The following BRIP1 variants were observed in gnomAD, a reference collection of about 807,000 sequenced individuals.
BRIP1 encodes the protein Fanconi anemia group J protein.
BRIP1 carries 88 observed loss-of-function variants against 119.7 expected under a neutral mutation model. That is an observed-to-expected ratio of 0.74 (90% CI 0.62 to 0.88). The LOEUF (loss-of-function observed/expected upper bound fraction) is 0.88, where lower values mean the gene tolerates loss of function less well. Ranked by LOEUF, BRIP1 falls within the 40% of genes least tolerant of loss-of-function variation. The pLI, the probability that BRIP1 is intolerant of heterozygous loss-of-function variation, is 0.00. For missense variants in BRIP1, 1,259 were observed against 1,455.4 expected (o/e 0.87, Z 2.20); for synonymous variants, 443 against 496.5 (o/e 0.89, Z 1.43).
Position 61,852,951 on chromosome 17 carries a change from A to G in BRIP1, c.380-3695T>C, listed in dbSNP as rs2078843555. On this transcript the variant is annotated intron_variant, in intron 4 of 19. Coordinates refer to ENST00000259008, the MANE Select transcript of BRIP1 (RefSeq NM_032043.3). The surrounding 1 kb of genome is among the most constrained non-coding windows in gnomAD (Gnocchi z 4.9). Reference sequence around the variant, plus strand: ...ACTTTAGAAAATGTTGTCAGTATCTACTATAGCTGAACATATGTATATACT... The same window carrying G: ...ACTTTAGAAAATGTTGTCAGTATCTGCTATAGCTGAACATATGTATATACT... Among the ~76,000 whole-genome samples, 1 of 152,222 alleles carries G rather than the reference A, an allele frequency of 6.6e-6. No individual in the cohort carries two copies. The highest frequency in any genetic ancestry group is 2.4e-5 in the African/African-American group (1 of 41,472).
rs1427908392 is a variant in BRIP1 at position 61,794,201 on chromosome 17, C to A, written c.1341-472G>T. Among the ~76,000 whole-genome samples, 1 of 151,966 alleles carries A rather than the reference C, an allele frequency of 6.6e-6. No individual in the cohort carries two copies. The highest frequency in any genetic ancestry group is 2.4e-5 in the African/African-American group (1 of 41,354). The stretch of plus-strand genomic sequence containing the variant: ...TAAGTGTTTGAATGCCTATTTTATT[C>A]CAGACATTGTTCTGGGTAGTGAAAA... On this transcript the variant is annotated intron_variant, in intron 9 of 19. Transcript: ENST00000259008. The surrounding 1 kb of genome is among the most constrained non-coding windows in gnomAD (Gnocchi z 4.3).
chr17:61,767,538 T>C lies in BRIP1; in HGVS notation c.2097+8863A>G, dbSNP rs2077390499. 6.6e-6 allele frequency among the ~76,000 whole-genome samples: 1 copy of C among 152,024 alleles called. No homozygotes were observed. Among genetic ancestry groups the C allele is most frequent in the Non-Finnish European group, 1.5e-5 (1 of 67,980 alleles). ...GATCCTCCTATCTCAGCCTCCCAAA[T>C]TGCTGGGATTATAGGCTTCTGCACT... is the stretch of plus-strand genomic sequence containing the variant. On this transcript the variant is annotated intron_variant, in intron 14 of 19. Transcript: ENST00000259008. This position sits in a 1 kb window ranked among gnomAD's most constrained non-coding sequence, Gnocchi z 5.7.
rs1375911072 is a variant in BRIP1, at chr17:61,780,964, G to A, written c.1670C>T (p.Ser557Phe). The change falls in exon 12 of 20, where the codon TCC becomes TTC. Residue 557 changes from serine (S) to phenylalanine (F), a missense_variant. Physicochemically the swap from Ser to Phe is radical, Grantham distance 155. This residue lies in a region of BRIP1 where 753 missense variants were observed against 891.8 expected (regional missense o/e 0.84). Coordinates refer to ENST00000259008, the MANE Select transcript of BRIP1 (RefSeq NM_032043.3). The surrounding 1 kb of genome is among the most constrained non-coding windows in gnomAD (Gnocchi z 5.4). ...DYKIAIQQTY[S>F]WTNQIDISDK... ...TGAAATATCAATCTGATTTGTCCAG[G>A]AGTAAGTCTGTTGAATCGCAATTTT... 1 of 1,613,876 alleles carries A rather than the reference G, an allele frequency of 6.2e-7. No individual in the cohort carries two copies. Among genetic ancestry groups the A allele is most frequent in the African/African-American group, 1.3e-5 (1 of 74,888 alleles).
chr17:61,808,803 A>G lies in BRIP1; in HGVS notation c.628-46T>C, dbSNP rs751532621. On this transcript the variant is annotated intron_variant, in intron 6 of 19. Coordinates refer to ENST00000259008, the MANE Select transcript of BRIP1 (RefSeq NM_032043.3). The surrounding 1 kb of genome is among the most constrained non-coding windows in gnomAD (Gnocchi z 4.1). ...GATAACTAATATCTAAACTACCATA[A>G]AAAACGTTATCAAACCTCACATGGA... 1 of 1,575,408 alleles carries G rather than the reference A, an allele frequency of 6.3e-7. No homozygotes were observed. The highest frequency in any genetic ancestry group is 8.7e-7 in the Non-Finnish European group (1 of 1,154,842).
intron 10 of BRIP1, among the ~76,000 whole-genome samples, chr17:61,787,132 C>T (rs1418267249): frequency 1.0e-5 from 1 of 97,364 alleles, no homozygotes; most frequent in South Asian, 3.2e-4. Context: ...ATATTATATA[C>T]TATATAAAAT....
In BRIP1 at chr17:61,780,895, G is replaced by A. The variant is rs1356014648; in HGVS notation, c.1739C>T (p.Ser580Leu). ...CACATGAACTGCAGTTTTCTGTCGT[G>A]AACGTTTCTTATTTTTTGGTAGAAC... is the stretch of plus-strand genomic sequence containing the variant. ...LLVLPKNKKR[S>L]RQKTAVHVLN... Residue 580 changes from serine (S) to leucine (L), a missense_variant, in exon 12 of 20, where the codon TCA becomes TTA. By Grantham distance (145) the Ser-to-Leu change is moderately radical. This residue lies in a region of BRIP1 where 753 missense variants were observed against 891.8 expected (regional missense o/e 0.84). Transcript: ENST00000259008. This position sits in a 1 kb window ranked among gnomAD's most constrained non-coding sequence, Gnocchi z 5.4. 6.2e-7 allele frequency: 1 copy of A among 1,614,156 alleles called. No individual in the cohort carries two copies. The highest frequency in any genetic ancestry group is 8.5e-7 in the Non-Finnish European group (1 of 1,180,014).
rs552943772 is a variant in BRIP1, at chr17:61,773,146, G to A, written c.2097+3255C>T. On this transcript the variant is annotated intron_variant, in intron 14 of 19. Transcript: ENST00000259008. ...TACTATCCACACTATATATTTAAAA[G>A]CCCATACAAATCAATTAAAAAGACA... is the stretch of plus-strand genomic sequence containing the variant. Among the ~76,000 whole-genome samples, 170 of 151,962 alleles carry A rather than the reference G, an allele frequency of 1.1e-3. 1 individual carries two copies. The highest frequency in any genetic ancestry group is 7.3e-3 in the South Asian group (35 of 4,806).
rs116218995 is a variant in BRIP1 at position 61,778,481 on chromosome 17, A to G, written c.1935+1780T>C. Among the ~76,000 whole-genome samples the G allele has an allele frequency of 6.6e-3, 1,012 of 152,292 alleles. 7 individuals carry two copies. The highest frequency in any genetic ancestry group is 0.023 in the African/African-American group (974 of 41,544). ...AAATGGTTAAGATGGTAAATTTTATATATATTCTACCACAATTAAAAGTTT... is the reference window on the plus strand; with the variant it reads ...AAATGGTTAAGATGGTAAATTTTATGTATATTCTACCACAATTAAAAGTTT... On this transcript the variant is annotated intron_variant, in intron 13 of 19. Coordinates refer to ENST00000259008, the MANE Select transcript of BRIP1 (RefSeq NM_032043.3). This position sits in a 1 kb window ranked among gnomAD's most constrained non-coding sequence, Gnocchi z 4.4.
In BRIP1 at chr17:61,799,969, T is replaced by A. The variant is rs1319338609; in HGVS notation, c.1141-670A>T. Among the ~76,000 whole-genome samples the A allele has an allele frequency of 6.6e-6, 1 of 152,032 alleles. No homozygotes were observed. Among genetic ancestry groups the A allele is most frequent in the Non-Finnish European group, 1.5e-5 (1 of 68,002 alleles). Reference sequence around the variant, plus strand: ...ATTGTCAGTTAAATAGAGTATTCCATCCTTCTGTGGTCACAGTGACTGGTT... The same window carrying A: ...ATTGTCAGTTAAATAGAGTATTCCAACCTTCTGTGGTCACAGTGACTGGTT... On this transcript the variant is annotated intron_variant, in intron 8 of 19. Coordinates refer to ENST00000259008, the MANE Select transcript of BRIP1 (RefSeq NM_032043.3). This position sits in a 1 kb window ranked among gnomAD's most constrained non-coding sequence, Gnocchi z 5.1.
intron 3 of BRIP1, among the ~76,000 whole-genome samples, chr17:61,858,404 G>A (rs988575026): frequency 3.5e-5 from 5 of 144,578 alleles, no homozygotes; most frequent in South Asian, 2.1e-4. Context: ...ACAGAGTTTC[G>A]CTCCTGTTGC....
At position 61,702,969 on chromosome 17, in the gene BRIP1, GTTCTT is replaced by G. The variant is rs2061637331; in HGVS notation, c.2493-9462_2493-9458del. Among the ~76,000 whole-genome samples the G allele has an allele frequency of 2.7e-5, 3 of 113,132 alleles. No individual in the cohort carries two copies. The Admixed American group carries it at 3.3e-4, about 12-fold the overall frequency. The allele number at this position is 113,132 out of a possible 152,430, so 74.2% of individuals were successfully genotyped here. A position where few individuals can be genotyped will look rare whatever the true frequency, so the allele number is the denominator to read the frequency against. ...TTTCTCTGTAACCTTGCGAGCATCT[GTTCTT>G]TTTTTTTTTTTTTTTTTGACTTTTT... is the stretch of plus-strand genomic sequence containing the variant. On this transcript the variant is annotated intron_variant, in intron 17 of 19. Coordinates refer to ENST00000259008, the MANE Select transcript of BRIP1 (RefSeq NM_032043.3).
chr17:61,801,100 T>C (rs1004428105), intron 8 of BRIP1, among the ~76,000 whole-genome samples, 153 bp downstream of exon 8: 3 of 152,308 alleles, frequency 2.0e-5, no homozygotes, highest in African/African-American at 7.2e-5. Flanking sequence ...TTTTAACCCA[T>C]GTTAGGATAT....
In BRIP1 at chr17:61,825,662, T is replaced by TAAATA. The variant is rs1465236454; in HGVS notation, c.628-16910_628-16906dup. Among the ~76,000 whole-genome samples, 2 of 137,956 alleles carry TAAATA rather than the reference T, an allele frequency of 1.4e-5. No individual in the cohort carries two copies. The highest frequency in any genetic ancestry group is 3.2e-5 in the Non-Finnish European group (2 of 61,544). The allele number at this position is 137,956 out of a possible 152,430, so 90.5% of individuals were successfully genotyped here. On this transcript the variant is annotated intron_variant, in intron 6 of 19. Transcript: ENST00000259008. The surrounding 1 kb of genome is among the most constrained non-coding windows in gnomAD (Gnocchi z 4.1). ...ATAAATAAATAAATAAATAAATAAA[T>TAAATA]AAATAAAATAACTGGGAATACAACT...
At position 61,682,361 on chromosome 17, in the gene BRIP1, T is replaced by C. The variant is rs984786105; in HGVS notation, c.*935A>G. On this transcript the variant is annotated 3_prime_UTR_variant, in exon 20 of 20. Coordinates refer to ENST00000259008, the MANE Select transcript of BRIP1 (RefSeq NM_032043.3). The surrounding 1 kb of genome is among the most constrained non-coding windows in gnomAD (Gnocchi z 4.9). ...ATATAATACTAAGCAGGATCTAGTA[T>C]TTTTTTCCACAATGATGGTGAAGCT... The C allele has an allele frequency of 4.9e-6, 1 of 204,316 alleles. No individual in the cohort carries two copies. Among genetic ancestry groups the C allele is most frequent in the African/African-American group, 2.3e-5 (1 of 43,754 alleles). 12.7% of individuals were successfully genotyped at this position (204,316 alleles called of 1,614,324 possible).
At position 61,799,058 on chromosome 17, in the gene BRIP1, T is replaced by A. The variant is rs547835322; in HGVS notation, c.1340+42A>T. 6.4e-7 allele frequency: 1 copy of A among 1,555,214 alleles called. No individual in the cohort carries two copies. The highest frequency in any genetic ancestry group is 2.2e-5 in the East Asian group (1 of 44,580). On this transcript the variant is annotated intron_variant, in intron 9 of 19. Transcript: ENST00000259008. The surrounding 1 kb of genome is among the most constrained non-coding windows in gnomAD (Gnocchi z 5.1). The stretch of plus-strand genomic sequence containing the variant: ...CTGGCATAATCAAACATATTTTTCA[T>A]ATAAAGGCAGCACAAATACACTAAT...
At chr17:61,685,042 A>G (rs576238410) in intron 19 of BRIP1, 2 of 152,378 alleles carry the variant, frequency 1.3e-5, no homozygotes, top group South Asian at 2.1e-4. Flanking sequence ...ATTATATCCA[A>G]TGGAATAGAC....
Position 61,710,083 on chromosome 17 carries a change from G to A in BRIP1, c.2492+5868C>T. On this transcript the variant is annotated intron_variant, in intron 17 of 19. Transcript: ENST00000259008. The surrounding 1 kb of genome is among the most constrained non-coding windows in gnomAD (Gnocchi z 5.4). ...TTTTACTTATTGATTGGTTTTAAAG[G>A]GTAAGTTCCTTTGTAACAAATTATT... Among the ~76,000 whole-genome samples the A allele has an allele frequency of 6.6e-6, 1 of 151,452 alleles. No individual in the cohort carries two copies. Among genetic ancestry groups the A allele is most frequent in the East Asian group, 1.9e-4 (1 of 5,184 alleles).
rs1178812434 is a variant in BRIP1, at chr17:61,726,604, T to C, written c.2380-10541A>G. Among the ~76,000 whole-genome samples, 2 of 152,216 alleles carry C rather than the reference T, an allele frequency of 1.3e-5. No homozygotes were observed. The highest frequency in any genetic ancestry group is 4.8e-5 in the African/African-American group (2 of 41,462). On this transcript the variant is annotated intron_variant, in intron 16 of 19. Transcript: ENST00000259008. The surrounding 1 kb of genome is among the most constrained non-coding windows in gnomAD (Gnocchi z 6.2). Reference sequence around the variant, plus strand: ...AAGTTTCTTGGGTTCTTGGAGTGGCTACTTTTTCATCAAGTGTCAATGAAA... The same window carrying C: ...AAGTTTCTTGGGTTCTTGGAGTGGCCACTTTTTCATCAAGTGTCAATGAAA...
rs1305810906 is a variant in BRIP1, at chr17:61,768,885, G to C, written c.2097+7516C>G. 1.3e-5 allele frequency among the ~76,000 whole-genome samples: 2 copies of C among 151,996 alleles called. No homozygotes were observed. The highest frequency in any genetic ancestry group is 4.8e-5 in the African/African-American group (2 of 41,370). On this transcript the variant is annotated intron_variant, in intron 14 of 19. Coordinates refer to ENST00000259008, the MANE Select transcript of BRIP1 (RefSeq NM_032043.3). The surrounding 1 kb of genome is among the most constrained non-coding windows in gnomAD (Gnocchi z 5.0). ...GTGGACCTGACTTAATCAGGTAAAA[G>C]TCCTTAAAAGATACAATGCACCCCT...
Sources: gnomAD v4.1 joint callset for allele counts (sites outside exome capture counted in the v4.1 genomes callset) on GRCh38, gnomAD v4.1.1 for gene constraint, gnomAD v4.1.1 regional missense constraint, Gnocchi (gnomAD v3.1) non-coding constraint, MANE v1.5 for transcripts, NCBI Gene and HGNC (gene_info 2026-07-23, HGNC 2026-07-21) for gene names.